The following ANKRD30B variants were observed in gnomAD, a reference collection of about 807,000 sequenced individuals.
ANKRD30B encodes the protein ankyrin repeat domain-containing protein 30B.
Under a neutral mutation model 202.2 loss-of-function variants are expected in ANKRD30B, and 144 were observed. The ratio of observed to expected loss-of-function variants is 0.71; its 90% confidence interval spans 0.62 to 0.82. ANKRD30B has a LOEUF of 0.82. Among genes scored for constraint, ANKRD30B ranks in the 40% least tolerant of loss-of-function variants. The probability of loss-of-function intolerance (pLI) is 0.00; values close to 1 mark genes in which losing one functional copy is unlikely to be tolerated. For synonymous variants in ANKRD30B, 508 were observed against 561.3 expected, an observed-to-expected ratio of 0.91 and a Z score of 1.34; for missense variants, 1,487 against 1,669.1, an observed-to-expected ratio of 0.89 and a Z score of 1.90.
chr18:14,876,276 C>T, the ANKRD30B span, among the ~76,000 whole-genome samples: 12 of 152,132 alleles, frequency 7.9e-5, no homozygotes, highest in South Asian at 1.2e-3. Flanking sequence ...TCTCAGTTTC[C>T]TCTTCTCTCC....
the ANKRD30B span, among the ~76,000 whole-genome samples, chr18:14,907,480 G>C: frequency 6.6e-6 from 1 of 152,178 alleles, no homozygotes; most frequent in Admixed American, 6.6e-5. Flanking sequence ...CCCGGGCCTG[G>C]AGACACTGAG....
chr18:14,868,252 G>T, the ANKRD30B span, among the ~76,000 whole-genome samples: 4 of 152,306 alleles, frequency 2.6e-5, no homozygotes, highest in African/African-American at 9.6e-5. Context: ...GTAAGAAGCT[G>T]CTGGTTCTGT....
At chr18:14,931,919 C>T in the ANKRD30B span, among the ~76,000 whole-genome samples, 1 of 140,696 alleles carries the variant, frequency 7.1e-6, no homozygotes, top group East Asian at 2.1e-4. Context: ...CCCCACCTCC[C>T]TCCTGCTCTG....
At chr18:14,900,189 A>G in the ANKRD30B span, among the ~76,000 whole-genome samples, 85 of 152,202 alleles carry the variant, frequency 5.6e-4, no homozygotes, top group Non-Finnish European at 3.4e-4. Context: ...TAATTCAGCC[A>G]CTTTAATTCT....
the ANKRD30B span, among the ~76,000 whole-genome samples, chr18:14,916,366 A>G: frequency 6.6e-6 from 1 of 152,324 alleles, no homozygotes; most frequent in African/African-American, 2.4e-5. Context: ...TGGAGGTCCC[A>G]TTGTCTCTTA....
At chr18:14,832,238 C>A (rs55963706) in intron 34 of ANKRD30B, among the ~76,000 whole-genome samples, 50,582 of 151,962 alleles carry the variant, frequency 0.33, 8,857 homozygotes, top group Non-Finnish European at 0.39. Flanking sequence ...TGTAAATTCT[C>A]TTTCTCAGAA....
At chr18:14,776,649 T>C (rs1374136628) in intron 9 of ANKRD30B, among the ~76,000 whole-genome samples, 1 of 152,234 alleles carries the variant, frequency 6.6e-6, no homozygotes, top group African/African-American at 2.4e-5. Context: ...TCTGCAAATA[T>C]GTGTCTGGCA....
chr18:14,782,604 A>G lies in ANKRD30B; in HGVS notation c.1560A>G (p.Arg520=). The change falls in exon 12 of 44, where the codon AGA becomes AGG. Residue 520 remains arginine (R), a synonymous_variant. Transcript: ENST00000690538. ...SMYQKVMEIN[R]EVEELPEKPS... is the part of the protein sequence containing the mutation. ...ATCAGAAAGTAATGGAGATAAATAG[A>G]GAAGTAGAAGGTAAGAACAACTTTT... 3 of 1,572,454 alleles carry G rather than the reference A, an allele frequency of 1.9e-6. No homozygotes were observed. The highest frequency in any genetic ancestry group is 2.6e-6 in the Non-Finnish European group (3 of 1,164,008).
chr18:14,810,002 T>C lies in ANKRD30B; in HGVS notation c.2403T>C (p.Asp801=), dbSNP rs1598656895. 3 of 1,428,208 alleles carry C rather than the reference T, an allele frequency of 2.1e-6. No homozygotes were observed. In the South Asian group the frequency reaches 3.5e-5, roughly 16 times the overall value. 88.5% of individuals were successfully genotyped at this position (1,428,208 alleles called of 1,614,324 possible). The part of the protein sequence containing the change: ...ETLKAESPDK[D]GLLKPTCVRK... The stretch of plus-strand genomic sequence containing the variant: ...TTCTTTTAGAGTCTCCTGATAAAGA[T>C]GGTCTTCTGAAGGTAATAACTTTTA... The change falls in exon 27 of 44, where the codon GAT becomes GAC. Residue 801 remains aspartate (D), a synonymous_variant. Coordinates refer to ENST00000690538, the MANE Select transcript of ANKRD30B (RefSeq NM_001367607.2).
chr18:14,916,292 C>A, the ANKRD30B span, among the ~76,000 whole-genome samples: 1 of 152,168 alleles, frequency 6.6e-6, no homozygotes, highest in African/African-American at 2.4e-5. Context: ...AGGGAGGGGG[C>A]AGATGTGTGT....
chr18:14,819,129 T>A (rs1970275093), intron 30 of ANKRD30B, among the ~76,000 whole-genome samples: 1 of 150,750 alleles, frequency 6.6e-6, no homozygotes, highest in South Asian at 2.1e-4. Context: ...TGAGCATTTT[T>A]TCATGTGTTT....
chr18:14,904,010 A>G, the ANKRD30B span, among the ~76,000 whole-genome samples: 1 of 152,200 alleles, frequency 6.6e-6, no homozygotes, highest in African/African-American at 2.4e-5. Context: ...TCCAATTGTC[A>G]TCTGTCTTCA....
At chr18:14,838,153 A>G (rs1425338956) in intron 36 of ANKRD30B, among the ~76,000 whole-genome samples, 1 of 152,276 alleles carries the variant, frequency 6.6e-6, no homozygotes, top group African/African-American at 2.4e-5. Context: ...AGTGTAGAAT[A>G]GTGCAAAACA....
the ANKRD30B span, among the ~76,000 whole-genome samples, chr18:14,900,685 G>A: frequency 6.6e-6 from 1 of 152,094 alleles, no homozygotes; most frequent in African/African-American, 2.4e-5. Context: ...GCTTAATGTG[G>A]CCATGTGACC....
rs770065157 is a variant in ANKRD30B at position 14,850,337 on chromosome 18, A to G, written c.3519A>G (p.Arg1173=). The G allele has an allele frequency of 1.4e-5, 22 of 1,585,366 alleles. No homozygotes were observed. In the South Asian group the frequency reaches 2.5e-4, roughly 18 times the overall value. Residue 1173 remains arginine (R), a synonymous_variant, in exon 41 of 44, where the codon AGA becomes AGG. Coordinates refer to ENST00000690538, the MANE Select transcript of ANKRD30B (RefSeq NM_001367607.2). Reference sequence around the variant, plus strand: ...AACAACAACTTGAACAGACTCTCAGAATACAAGATATAGAATTGAAAAGTG... The same window carrying G: ...AACAACAACTTGAACAGACTCTCAGGATACAAGATATAGAATTGAAAAGTG... ...EVKQQLEQTL[R]IQDIELKSVT...
rs546368540 is a variant in ANKRD30B, at chr18:14,778,529, G to A, written c.1420+454G>A. Among the ~76,000 whole-genome samples the A allele has an allele frequency of 1.4e-4, 22 of 152,286 alleles. No individual in the cohort carries two copies. The East Asian group carries it at 4.0e-3, about 28-fold the overall frequency. On this transcript the variant is annotated intron_variant, in intron 10 of 43. Transcript: ENST00000690538. ...TGTTTTCACTCTTGTCTTTCTCACC[G>A]GTGGGAAGGCATTAGGGATGGAAGC...
At chr18:14,796,130 A>C in intron 16 of ANKRD30B, 91 bp from the exon 17 acceptor site, 1 of 1,325,020 alleles carries the variant, frequency 7.5e-7, no homozygotes, top group African/African-American at 1.5e-5. Context: ...TCCAAGCATG[A>C]GGATTCATCT....
chr18:14,869,580 C>T, the ANKRD30B span, among the ~76,000 whole-genome samples: 3 of 152,080 alleles, frequency 2.0e-5, no homozygotes, highest in African/African-American at 7.2e-5. Flanking sequence ...CATTAATTGC[C>T]AATACAAATT....
At chr18:14,799,191 A>T (rs9748457) in intron 21 of ANKRD30B, 32 bp from the exon 22 acceptor site, 7 of 1,584,338 alleles carry the variant, frequency 4.4e-6, no homozygotes, top group Non-Finnish European at 6.0e-6. Flanking sequence ...TATACATTAT[A>T]TGTTAATTTT....
Sources: allele counts gnomAD v4.1 joint callset (sites outside exome capture counted in the v4.1 genomes callset), GRCh38; gene constraint gnomAD v4.1.1; transcripts MANE v1.5; gene names NCBI Gene and HGNC (gene_info 2026-07-23, HGNC 2026-07-21).